The following JAK2 variants were observed in gnomAD, a reference collection of about 807,000 sequenced individuals.
The protein encoded by JAK2 is tyrosine-protein kinase JAK2.
Under a neutral mutation model 139.3 loss-of-function variants are expected in JAK2, and 86 were observed. The ratio of observed to expected loss-of-function variants is 0.62; its 90% confidence interval spans 0.52 to 0.74. The LOEUF is 0.74. JAK2 is among the 30% of genes least tolerant of loss of function. The pLI is 0.00. For synonymous variants in JAK2, 490 were observed against 437.7 expected (o/e 1.12, Z -1.49); for missense variants, 1,421 against 1,360.3 (o/e 1.04, Z -0.70).
rs529713932 is a variant in JAK2, at chr9:4,992,955, C to G, written c.-26+6933C>G. ...TGGGTTTACCTTCTGAATTATTTAT[C>G]TCCCCCACCCCTGCACCCAACCCAT... On this transcript the variant is annotated intron_variant, in intron 2 of 24. Coordinates refer to ENST00000381652, the MANE Select transcript of JAK2 (RefSeq NM_004972.4). Among the ~76,000 whole-genome samples, 16 of 152,244 alleles carry G rather than the reference C, an allele frequency of 1.1e-4. 1 individual carries two copies. In the East Asian group the frequency reaches 3.1e-3, roughly 29 times the overall value.
intron 5 of JAK2, among the ~76,000 whole-genome samples, chr9:5,049,343 C>T (rs1234444031): frequency 1.3e-5 from 2 of 152,216 alleles, no homozygotes; most frequent in African/African-American, 4.8e-5. Context: ...TTTTAATCCA[C>T]ATTATTTCTT....
intron 18 of JAK2, among the ~76,000 whole-genome samples, chr9:5,081,056 C>T (rs1055303608): frequency 6.6e-6 from 1 of 151,642 alleles, no homozygotes; most frequent in Non-Finnish European, 1.5e-5. Context: ...CCACCACACC[C>T]GGCTAATTTT....
Position 5,121,596 on chromosome 9 carries a change from G to A in JAK2, c.3060-1408G>A, listed in dbSNP as rs1025414111. ...CTGAATTCCCAAGAGATAGTTACAC[G>A]TTCTTGAGAAAGACATTCATGGGTC... On this transcript the variant is annotated intron_variant, in intron 22 of 24. Transcript: ENST00000381652. Among the ~76,000 whole-genome samples, 4 of 152,140 alleles carry A rather than the reference G, an allele frequency of 2.6e-5. No homozygotes were observed. The East Asian group carries it at 5.8e-4, about 22-fold the overall frequency.
Position 5,058,524 on chromosome 9 carries a change from A to T in JAK2, c.1056+2736A>T, listed in dbSNP as rs138206107. Reference sequence around the variant, plus strand: ...CCTCGACACATGGGGATTACAATTAAAGATGAGAGTTGGGTGGGGACGCAG... The same window carrying T: ...CCTCGACACATGGGGATTACAATTATAGATGAGAGTTGGGTGGGGACGCAG... On this transcript the variant is annotated intron_variant, in intron 8 of 24. Transcript: ENST00000381652. Among the ~76,000 whole-genome samples, 1,242 of 152,264 alleles carry T rather than the reference A, an allele frequency of 8.2e-3. 11 individuals carry two copies. Among genetic ancestry groups the T allele is most frequent in the African/African-American group, 0.029 (1,193 of 41,548 alleles).
At chr9:5,070,074 ACTGT>A in intron 12 of JAK2, 22 bp downstream of exon 12, 2 of 1,562,724 alleles carry the variant, frequency 1.3e-6, no homozygotes, top group South Asian at 1.2e-5. Flanking sequence ...GATACTCATT[ACTGT>A]CTTTTTTGTC....
At chr9:5,069,332 C>T (rs1336696295) in intron 11 of JAK2, 124 bp downstream of exon 11, 7 of 626,928 alleles carry the variant, frequency 1.1e-5, no homozygotes, top group African/African-American at 5.6e-5. Context: ...TTAATTTTAT[C>T]TTATTCTATT....
intron 22 of JAK2, among the ~76,000 whole-genome samples, chr9:5,103,293 T>G (rs1326131814): frequency 3.1e-5 from 4 of 127,374 alleles, no homozygotes; most frequent in African/African-American, 1.4e-4. Flanking sequence ...AAAAAAGACT[T>G]TAAGCCAACA....
intron 5 of JAK2, 36 bp from the exon 6 acceptor site, chr9:5,050,650 T>TA: frequency 6.3e-7 from 1 of 1,582,984 alleles, no homozygotes. Context: ...TAATGAAACT[T>TA]ACGATGAGAT....
chr9:5,085,586 C>CTAT, intron 19 of JAK2: 1 of 695,318 alleles, frequency 1.4e-6, no homozygotes, highest in South Asian at 1.6e-5. Flanking sequence ...TGTGCCCCAC[C>CTAT]TATAGATACT....
chr9:5,113,435 A>T (rs1586823085), intron 22 of JAK2: 1 of 147,616 alleles, frequency 6.8e-6, no homozygotes, highest in South Asian at 2.1e-4. Context: ...AAAAAAAAAA[A>T]AAAAAAAAAA....
At chr9:5,075,680 G>C (rs2130570590) in intron 14 of JAK2, among the ~76,000 whole-genome samples, 1 of 152,316 alleles carries the variant, frequency 6.6e-6, no homozygotes, top group East Asian at 1.9e-4. Flanking sequence ...AGCTCTGATG[G>C]AGATGTACAA....
chr9:5,005,243 C>T lies in JAK2; in HGVS notation c.-25-16720C>T, dbSNP rs74959385. 5.9e-5 allele frequency among the ~76,000 whole-genome samples: 9 copies of T among 151,456 alleles called. No individual in the cohort carries two copies. The South Asian group carries it at 1.9e-3, about 32-fold the overall frequency. On this transcript the variant is annotated intron_variant, in intron 2 of 24. Transcript: ENST00000381652. ...GGGATTACAGGGTTGAGCCACTGCA[C>T]CCAGTCTGTATTGTCCTTTGAGGAA...
chr9:5,123,888 CT>C (rs543606211), intron 23 of JAK2, among the ~76,000 whole-genome samples: 279 of 141,844 alleles, frequency 2.0e-3, no homozygotes, highest in Admixed American at 2.5e-3. Context: ...AATTTTTTCT[CT>C]TTTTTTTTTT....
At chr9:5,083,391 G>A (rs1472751687) in intron 19 of JAK2, among the ~76,000 whole-genome samples, 3 of 152,142 alleles carry the variant, frequency 2.0e-5, no homozygotes, top group African/African-American at 7.2e-5. Context: ...GCTAGGATAA[G>A]GTTCTCACTA....
intron 2 of JAK2, among the ~76,000 whole-genome samples, chr9:5,013,661 C>G (rs1821853799): frequency 6.6e-6 from 1 of 152,146 alleles, no homozygotes; most frequent in African/African-American, 2.4e-5. Flanking sequence ...TGTCAAAATT[C>G]TATTTTCCTT....
intron 2 of JAK2, among the ~76,000 whole-genome samples, chr9:4,988,101 T>C (rs531346592): frequency 6.6e-6 from 1 of 152,312 alleles, no homozygotes; most frequent in Admixed American, 6.5e-5. Flanking sequence ...TGCTGCCCCC[T>C]TGTGGTTAAC....
intron 19 of JAK2, among the ~76,000 whole-genome samples, chr9:5,087,103 A>C (rs115148597): frequency 0.022 from 3,330 of 152,326 alleles, 96 homozygotes; most frequent in African/African-American, 0.074. Context: ...TTAGGCACTT[A>C]TGACTCTTAC....
In JAK2 at chr9:5,044,511, C is replaced by T; in HGVS notation, c.459C>T (p.Leu153=). 4.4e-6 allele frequency: 7 copies of T among 1,577,734 alleles called. No homozygotes were observed. Among genetic ancestry groups the T allele is most frequent in the Non-Finnish European group, 6.1e-6 (7 of 1,149,720 alleles). The change falls in exon 5 of 25, where the codon CTC becomes CTT. Residue 153 remains leucine, a synonymous_variant. Coordinates refer to ENST00000381652, the MANE Select transcript of JAK2 (RefSeq NM_004972.4). ...TTGATGACTTTGTCATGTCTTACCT[C>T]TTTGCTCAGGTATGATTATATTATC... is the stretch of plus-strand genomic sequence containing the variant. ...PLLDDFVMSY[L]FAQWRHDFVH...
At chr9:5,107,161 T>G (rs998993753) in intron 22 of JAK2, among the ~76,000 whole-genome samples, 6 of 152,140 alleles carry the variant, frequency 3.9e-5, no homozygotes, top group African/African-American at 1.4e-4. Flanking sequence ...ATCCTACTCT[T>G]TTAGTATAAA....
Sources: gnomAD v4.1 joint callset for allele counts (sites outside exome capture counted in the v4.1 genomes callset) on GRCh38, gnomAD v4.1.1 for gene constraint, MANE v1.5 for transcripts, NCBI Gene and HGNC (gene_info 2026-07-23, HGNC 2026-07-21) for gene names.